Variants in CRYL1 observed in about 807,000 individuals in gnomAD.
CRYL1 encodes lambda-crystallin homolog.
Under a neutral mutation model 36.6 loss-of-function variants are expected in CRYL1, and 29 were observed. That is an observed-to-expected ratio of 0.79 (90% CI 0.59 to 1.08). The LOEUF (loss-of-function observed/expected upper bound fraction) is 1.08. CRYL1 is among the 50% of genes least tolerant of loss of function. The pLI, the probability that CRYL1 is intolerant of heterozygous loss-of-function variation, is 0.00. For missense variants in CRYL1, 411 were observed against 407.9 expected (o/e 1.01, Z -0.06); for synonymous variants, 152 against 151.5 (o/e 1.00, Z -0.02).
At chr13:20,405,717 TAAGGA>T (rs1235595695) in intron 6 of CRYL1, among the ~76,000 whole-genome samples, 1 of 152,090 alleles carries the variant, frequency 6.6e-6, no homozygotes, top group African/African-American at 2.4e-5. Context: ...TCTCAGATTC[TAAGGA>T]GAGGGCCCTG....
chr13:20,431,728 T>TA (rs1406246653), intron 5 of CRYL1: 3 of 1,165,874 alleles, frequency 2.6e-6, no homozygotes, highest in Non-Finnish European at 3.2e-6. Context: ...ACACAAAATA[T>TA]AATTTTTTTC....
At chr13:20,517,938 G>GAAAAAA (rs67225103) in intron 1 of CRYL1, among the ~76,000 whole-genome samples, 3 of 115,962 alleles carry the variant, frequency 2.6e-5, no homozygotes, top group African/African-American at 3.3e-5. Context: ...TCTGTCTCAA[G>GAAAAAA]AAAAAAAAAA....
At chr13:20,459,476 A>AAGG (rs2032763722) in intron 3 of CRYL1, among the ~76,000 whole-genome samples, 1 of 152,230 alleles carries the variant, frequency 6.6e-6, no homozygotes, top group Non-Finnish European at 1.5e-5. Flanking sequence ...TAGACTAGAT[A>AAGG]GAGAAAATGT....
chr13:20,467,363 C>G (rs1460717048), intron 3 of CRYL1, among the ~76,000 whole-genome samples: 1 of 152,166 alleles, frequency 6.6e-6, no homozygotes, highest in South Asian at 2.1e-4. Context: ...TGACAAAGTT[C>G]ATGTCACAAT....
chr13:20,405,228 G>A (rs918208174), intron 6 of CRYL1, among the ~76,000 whole-genome samples: 2 of 151,358 alleles, frequency 1.3e-5, no homozygotes, highest in Non-Finnish European at 2.9e-5. Flanking sequence ...CTGAGATCGC[G>A]CCACTGTACT....
intron 2 of CRYL1, among the ~76,000 whole-genome samples, chr13:20,511,702 G>A (rs542640620): frequency 4.6e-4 from 70 of 152,326 alleles, no homozygotes; most frequent in African/African-American, 1.3e-3. Context: ...ACCCTGTTCC[G>A]TGACGGCACC....
intron 2 of CRYL1, among the ~76,000 whole-genome samples, chr13:20,497,984 A>C (rs1451997053): frequency 6.6e-6 from 1 of 151,900 alleles, no homozygotes; most frequent in East Asian, 1.9e-4. Context: ...TAACTTTGGC[A>C]TTGAACTTAT....
chr13:20,420,674 C>T (rs2031778567), intron 5 of CRYL1, among the ~76,000 whole-genome samples: 2 of 128,746 alleles, frequency 1.6e-5, no homozygotes, highest in Non-Finnish European at 3.3e-5. Context: ...TGGAGTTTTT[C>T]CCTTTGACTT....
In CRYL1 at chr13:20,508,848, C is replaced by CAAAAAAA. The variant is rs1179533995; in HGVS notation, c.149+3588_149+3594dup. Among the ~76,000 whole-genome samples the CAAAAAAA allele has an allele frequency of 2.1e-3, 22 of 10,446 alleles. 2 individuals carry two copies. The highest frequency in any genetic ancestry group is 6.1e-3 in the African/African-American group (19 of 3,134). 6.9% of individuals were successfully genotyped at this position (10,446 alleles called of 152,430 possible). A position where few individuals can be genotyped will look rare whatever the true frequency, so the allele number is the denominator to read the frequency against. On this transcript the variant is annotated intron_variant, in intron 2 of 7. Coordinates refer to ENST00000298248, the MANE Select transcript of CRYL1 (RefSeq NM_015974.3). ...CGGCCTAGGTGGCAGAGCGAGACTC[C>CAAAAAAA]AAAAAAAAAAAAAAAAAAAAAAAAA...
intron 3 of CRYL1, among the ~76,000 whole-genome samples, chr13:20,463,152 G>A (rs535903620): frequency 3.3e-5 from 5 of 152,264 alleles, no homozygotes; most frequent in South Asian, 2.1e-4. Context: ...GGAGACCTGC[G>A]TGTCGCACCT....
At chr13:20,453,100 AACCAACTTGATCTACTT>A (rs1444912895) in intron 3 of CRYL1, among the ~76,000 whole-genome samples, 2 of 152,216 alleles carry the variant, frequency 1.3e-5, no homozygotes, top group African/African-American at 4.8e-5. Context: ...TAACATTATC[AACCAACTTGATCTACTT>A]GACATTCAGA....
At position 20,425,375 on chromosome 13, in the gene CRYL1, G is replaced by A. The variant is rs998367152; in HGVS notation, c.633+6727C>T. On this transcript the variant is annotated intron_variant, in intron 5 of 7. Coordinates refer to ENST00000298248, the MANE Select transcript of CRYL1 (RefSeq NM_015974.3). This position sits in a 1 kb window ranked among gnomAD's most constrained non-coding sequence, Gnocchi z 4.4. ...TTCCAGAGTCGACATCTGAATAACC[G>A]TCAGTGAGCCTGCCTTGCTCTGTTA... 2.6e-5 allele frequency among the ~76,000 whole-genome samples: 4 copies of A among 152,182 alleles called. No individual in the cohort carries two copies. The highest frequency in any genetic ancestry group is 1.3e-4 in the Admixed American group (2 of 15,278).
chr13:20,521,618 T>A (rs2034100119), intron 1 of CRYL1, among the ~76,000 whole-genome samples: 1 of 152,144 alleles, frequency 6.6e-6, no homozygotes, highest in East Asian at 1.9e-4. Context: ...TATTGCGACA[T>A]GTCTTAAAGC....
Position 20,475,546 on chromosome 13 carries a change from C to T in CRYL1, c.276+13824G>A, listed in dbSNP as rs557006140. On this transcript the variant is annotated intron_variant, in intron 3 of 7. Coordinates refer to ENST00000298248, the MANE Select transcript of CRYL1 (RefSeq NM_015974.3). The stretch of plus-strand genomic sequence containing the variant: ...GGAATAAATACTAGCACCCACTTTA[C>T]GGGGGTGTCGTGAGGACTGAAGTGG... 3.9e-5 allele frequency among the ~76,000 whole-genome samples: 6 copies of T among 152,226 alleles called. No individual in the cohort carries two copies. In the South Asian group the frequency reaches 6.2e-4, roughly 16 times the overall value.
rs11353451 is a variant in CRYL1, at chr13:20,470,910, C to CAAAAAAAAAAAAA, written c.276+18447_276+18459dup. Among the ~76,000 whole-genome samples, 66 of 40,852 alleles carry CAAAAAAAAAAAAA rather than the reference C, an allele frequency of 1.6e-3. 1 individual carries two copies. Among genetic ancestry groups the CAAAAAAAAAAAAA allele is most frequent in the African/African-American group, 5.1e-3 (58 of 11,452 alleles). The allele number at this position is 40,852 out of a possible 152,430, so 26.8% of individuals were successfully genotyped here. A position where few individuals can be genotyped will look rare whatever the true frequency, so the allele number is the denominator to read the frequency against. On this transcript the variant is annotated intron_variant, in intron 3 of 7. Transcript: ENST00000298248. ...GGGCAAAAAGAGCAAAACTCCATCT[C>CAAAAAAAAAAAAA]AAAAAAAAAAAAAAAACAAAAAAAA...
chr13:20,467,577 T>G (rs2032964690), intron 3 of CRYL1, among the ~76,000 whole-genome samples: 1 of 152,170 alleles, frequency 6.6e-6, no homozygotes, highest in African/African-American at 2.4e-5. Flanking sequence ...ATCCCAGCAC[T>G]TTGGGAGGCC....
chr13:20,473,508 A>G (rs1267195471), intron 3 of CRYL1, among the ~76,000 whole-genome samples: 1 of 152,258 alleles, frequency 6.6e-6, no homozygotes, highest in Non-Finnish European at 1.5e-5. Flanking sequence ...ATCTCAGCGG[A>G]CCTGGCCAGA....
chr13:20,431,506 C>T, intron 5 of CRYL1: 1 of 998,550 alleles, frequency 1.0e-6, no homozygotes, highest in South Asian at 4.4e-5. Flanking sequence ...CTCCAGGCAC[C>T]ACGGCCCCTC....
At chr13:20,508,706 G>A (rs575586151) in intron 2 of CRYL1, among the ~76,000 whole-genome samples, 7 of 151,698 alleles carry the variant, frequency 4.6e-5, no homozygotes, top group Admixed American at 1.3e-4. Context: ...AAAATTAGCC[G>A]GGCGTGGTGG....
Sources: allele counts gnomAD v4.1 joint callset (sites outside exome capture counted in the v4.1 genomes callset), GRCh38; gene constraint gnomAD v4.1.1; non-coding constraint Gnocchi (gnomAD v3.1); transcripts MANE v1.5; gene names NCBI Gene and HGNC (gene_info 2026-07-23, HGNC 2026-07-21).